Variants in SPATA3 observed in about 807,000 individuals in gnomAD.
The protein encoded by SPATA3 is spermatogenesis associated 3, also known as spermatogenesis-associated protein 3.
In SPATA3, 6 loss-of-function variants were observed where a neutral mutation model predicts 5.7. The ratio of observed to expected loss-of-function variants is 1.06; its 90% confidence interval spans 0.58 to 2.09. The LOEUF is 2.09. Ranked by LOEUF, SPATA3 falls within the 30% of genes most tolerant of loss-of-function variation. The pLI is 0.00. For synonymous variants in SPATA3, 44 were observed against 48.4 expected (o/e 0.91, Z 0.37); for missense variants, 155 against 130.4 (o/e 1.19, Z -0.92).
intron 2 of SPATA3, 46 bp from the exon 3 acceptor site, chr2:231,002,638 C>T: frequency 3.9e-6 from 5 of 1,285,826 alleles, no homozygotes; most frequent in Non-Finnish European, 5.2e-6. Context: ...TAGAGAGGCA[C>T]TGAAGCCCAG....
At chr2:231,001,732 G>A (rs1254495479) in intron 2 of SPATA3, among the ~76,000 whole-genome samples, 1 of 152,200 alleles carries the variant, frequency 6.6e-6, no homozygotes, top group Non-Finnish European at 1.5e-5. Flanking sequence ...GGCACTGTGA[G>A]GGAAACCAGA....
At chr2:231,000,283 C>T (rs1692296298) in intron 1 of SPATA3, 83 bp from the exon 2 acceptor site, 1 of 1,269,630 alleles carries the variant, frequency 7.9e-7, no homozygotes, top group Non-Finnish European at 1.0e-6. Flanking sequence ...TGTGGGGGGC[C>T]TTCTCAGACT....
chr2:231,008,766 C>G (rs1010546045), downstream of SPATA3, among the ~76,000 whole-genome samples: 4 of 152,202 alleles, frequency 2.6e-5, no homozygotes, highest in African/African-American at 9.7e-5. Context: ...CCAAACTAGG[C>G]TTCAGCAAAA....
intron 6 of SPATA3, among the ~76,000 whole-genome samples, chr2:231,015,692 G>C (rs1486276895): frequency 6.6e-6 from 1 of 152,180 alleles, no homozygotes; most frequent in Non-Finnish European, 1.5e-5. Context: ...AGGCACCCTC[G>C]GCCTGCAGCT....
At chr2:231,012,168 C>T (rs559591353), downstream of SPATA3, among the ~76,000 whole-genome samples, 11 of 152,152 alleles carry the variant, frequency 7.2e-5, no homozygotes, top group Non-Finnish European at 1.2e-4. Context: ...TTGGTCCCAG[C>T]GGCAGGGCTG....
At chr2:231,010,334 A>G (rs1427022393), downstream of SPATA3, among the ~76,000 whole-genome samples, 1 of 152,232 alleles carries the variant, frequency 6.6e-6, no homozygotes. Context: ...TCTAATGCTA[A>G]TAGACTATGT....
At position 231,015,257 on chromosome 2, in the gene SPATA3, CT is replaced by C. The variant is rs35102459; in HGVS notation, c.*565+1067del. ...CACACCCAGCTAACTATCGTTTTGGCTTTTTTTTTTTTTTTTTTTTTTGGTA... is the reference window on the plus strand; with the variant it reads ...CACACCCAGCTAACTATCGTTTTGGCTTTTTTTTTTTTTTTTTTTTTGGTA... On this transcript the variant is annotated intron_variant, in intron 6 of 8. Coordinates refer to the SPATA3 transcript ENST00000452881. 6.1e-3 allele frequency among the ~76,000 whole-genome samples: 570 copies of C among 94,092 alleles called. 1 individual carries two copies. The highest frequency in any genetic ancestry group is 0.019 in the African/African-American group (392 of 21,016). The allele number at this position is 94,092 out of a possible 152,430, so 61.7% of individuals were successfully genotyped here.
intron 6 of SPATA3, among the ~76,000 whole-genome samples, chr2:231,017,063 G>C (rs1032186319): frequency 1.3e-5 from 2 of 152,124 alleles, no homozygotes; most frequent in African/African-American, 4.8e-5. Flanking sequence ...TCATATGCCT[G>C]TTTCGTAATT....
At chr2:231,014,913 GCT>G in intron 6 of SPATA3, among the ~76,000 whole-genome samples, 1 of 152,144 alleles carries the variant, frequency 6.6e-6, no homozygotes, top group Non-Finnish European at 1.5e-5. Flanking sequence ...CCTTCTCAAG[GCT>G]CTCTCTGCCT....
intron 2 of SPATA3, among the ~76,000 whole-genome samples, chr2:231,000,798 G>T (rs1342205337): frequency 6.6e-6 from 1 of 152,074 alleles, no homozygotes; most frequent in Non-Finnish European, 1.5e-5. Context: ...CTCCTCAGGG[G>T]CTTCCTTTTT....
At chr2:230,996,483 CT>C (rs937699142) in intron 1 of SPATA3, 1 of 1,552,116 alleles carries the variant, frequency 6.4e-7, no homozygotes, top group Non-Finnish European at 8.7e-7. Context: ...CTCTTGCTGC[CT>C]TTTATCTCCA....
chr2:231,009,907 T>C (rs1692739549), downstream of SPATA3, among the ~76,000 whole-genome samples: 2 of 152,244 alleles, frequency 1.3e-5, no homozygotes, highest in South Asian at 4.1e-4. Flanking sequence ...AGTGTGATAT[T>C]CAGAGTGAGT....
Sources: allele counts gnomAD v4.1 joint callset (sites outside exome capture counted in the v4.1 genomes callset), GRCh38; gene constraint gnomAD v4.1.1; transcripts MANE v1.5; gene names NCBI Gene and HGNC (gene_info 2026-07-23, HGNC 2026-07-21).